PIAS1: variants seen among roughly 807,000 people sequenced by gnomAD.
The protein encoded by PIAS1 is E3 SUMO-protein ligase PIAS1.
Under a neutral mutation model 71.3 loss-of-function variants are expected in PIAS1, and 6 were observed. The observed-to-expected ratio is 0.08, with a 90% CI of 0.05 to 0.17. PIAS1 has a LOEUF of 0.17. PIAS1 is among the 10% of genes least tolerant of loss of function. The pLI, the probability that PIAS1 is intolerant of heterozygous loss-of-function variation, is 1.00. For missense variants in PIAS1, 555 were observed against 793.6 expected (o/e 0.70, Z 3.61); for synonymous variants, 303 against 292.9 (o/e 1.03, Z -0.35).
Position 68,187,832 on chromosome 15 carries a change from C to T in PIAS1, c.1953C>T (p.Asp651=). The T allele has an allele frequency of 6.2e-7, 1 of 1,611,530 alleles. No individual in the cohort carries two copies. The highest frequency in any genetic ancestry group is 1.1e-5 in the South Asian group (1 of 90,890). ...FGIIPDIISL[D] Reference sequence around the variant, plus strand: ...TCATACCAGACATTATTTCATTGGACTGATTCCCAGGCCCTGCTGCTCCCA... The same window carrying T: ...TCATACCAGACATTATTTCATTGGATTGATTCCCAGGCCCTGCTGCTCCCA... Residue 651 remains aspartate, a synonymous_variant, in exon 14 of 14, where the codon GAC becomes GAT. Transcript: ENST00000249636. This position sits in a 1 kb window ranked among gnomAD's most constrained non-coding sequence, Gnocchi z 5.3.
At chr15:68,164,409 T>C (rs1315093342) in intron 7 of PIAS1, among the ~76,000 whole-genome samples, 1 of 152,028 alleles carries the variant, frequency 6.6e-6, no homozygotes, top group East Asian at 1.9e-4. Flanking sequence ...TATCTTAGAG[T>C]TATAAAAGAA....
At chr15:68,131,805 G>A (rs2092689185) in intron 2 of PIAS1, among the ~76,000 whole-genome samples, 1 of 152,128 alleles carries the variant, frequency 6.6e-6, no homozygotes, top group Non-Finnish European at 1.5e-5. Context: ...GAATAGTGCT[G>A]CAATGAACAT....
intron 1 of PIAS1, among the ~76,000 whole-genome samples, chr15:68,076,058 A>G (rs989154523): frequency 2.0e-5 from 3 of 152,158 alleles, no homozygotes; most frequent in Non-Finnish European, 4.4e-5. Context: ...TGTTGAGATT[A>G]CAGGCGTGAG....
intron 6 of PIAS1, among the ~76,000 whole-genome samples, chr15:68,151,707 C>CAGACACACACAA (rs140053964): frequency 7.4e-6 from 1 of 134,408 alleles, no homozygotes; most frequent in Non-Finnish European, 1.6e-5. Flanking sequence ...CACACACACA[C>CAGACACACACAA]AAATTAGCTA....
intron 2 of PIAS1, among the ~76,000 whole-genome samples, chr15:68,108,831 A>G (rs1411791152): frequency 6.6e-6 from 1 of 152,284 alleles, no homozygotes; most frequent in South Asian, 2.1e-4. Flanking sequence ...CCCTTAAAGT[A>G]TATCTAGAAT....
intron 5 of PIAS1, among the ~76,000 whole-genome samples, chr15:68,146,110 G>C (rs967578332): frequency 9.2e-5 from 14 of 152,238 alleles, no homozygotes; most frequent in African/African-American, 3.1e-4. Flanking sequence ...TTTGGAGTTG[G>C]GTATGGTAGC....
rs1817057360 is a variant in PIAS1, at chr15:68,188,354, C to G, written c.*519C>G. 1 of 156,042 alleles carries G rather than the reference C, an allele frequency of 6.4e-6. No homozygotes were observed. The highest frequency in any genetic ancestry group is 2.4e-5 in the African/African-American group (1 of 41,426). The allele number at this position is 156,042 out of a possible 1,614,324, so 9.7% of individuals were successfully genotyped here. A position where few individuals can be genotyped will look rare whatever the true frequency, so the allele number is the denominator to read the frequency against. ...TTTGTGTGTGCATATTTTATCCAGC[C>G]TTAAGTTATAAAGCTCATCTGTCCC... On this transcript the variant is annotated 3_prime_UTR_variant, in exon 14 of 14. Transcript: ENST00000249636.
rs549163979 is a variant in PIAS1, at chr15:68,157,676, A to C, written c.934+3981A>C. 1.1e-4 allele frequency among the ~76,000 whole-genome samples: 17 copies of C among 152,274 alleles called. No homozygotes were observed. In the South Asian group the frequency reaches 3.3e-3, roughly 30 times the overall value. On this transcript the variant is annotated intron_variant, in intron 7 of 13. Coordinates refer to ENST00000249636, the MANE Select transcript of PIAS1 (RefSeq NM_016166.3). ...TCACCTGCCTTCAATGGATTCTCTT[A>C]AGGGAAGCATTCTAAATGTGGCTGT...
rs1491531335 is a variant in PIAS1 at position 68,141,866 on chromosome 15, CAT to C, written c.470-79_470-78del. 917 of 793,180 alleles carry C rather than the reference CAT, an allele frequency of 1.2e-3. 2 individuals carry two copies. Among genetic ancestry groups the C allele is most frequent in the African/African-American group, 2.6e-3 (138 of 52,898 alleles). The allele number at this position is 793,180 out of a possible 1,614,324, so 49.1% of individuals were successfully genotyped here. On this transcript the variant is annotated intron_variant, in intron 2 of 13. Coordinates refer to ENST00000249636, the MANE Select transcript of PIAS1 (RefSeq NM_016166.3). The stretch of plus-strand genomic sequence containing the variant: ...AGAATATATACCAGTTAATTAAAGA[CAT>C]GTGTGTTTTTTTTTTTTGCTTTTGT...
intron 2 of PIAS1, among the ~76,000 whole-genome samples, chr15:68,127,826 G>A (rs767444706): frequency 5.9e-5 from 9 of 152,036 alleles, no homozygotes; most frequent in Non-Finnish European, 1.3e-4. Flanking sequence ...ACAGTAGTGT[G>A]ACCTCAGCTC....
At chr15:68,163,552 A>G (rs2092938066) in intron 7 of PIAS1, among the ~76,000 whole-genome samples, 1 of 152,198 alleles carries the variant, frequency 6.6e-6, no homozygotes, top group Non-Finnish European at 1.5e-5. Flanking sequence ...GAGATCCACT[A>G]ATTTATGGAA....
rs117714730 is a variant in PIAS1, at chr15:68,185,219, A to G, written c.1662+1552A>G. On this transcript the variant is annotated intron_variant, in intron 13 of 13. Coordinates refer to ENST00000249636, the MANE Select transcript of PIAS1 (RefSeq NM_016166.3). This position sits in a 1 kb window ranked among gnomAD's most constrained non-coding sequence, Gnocchi z 4.4. ...CCTAAGGAGGATCTTTGCCCAGGCT[A>G]TTGCTGCAACTGAAAAACACCGAGA... Among the ~76,000 whole-genome samples the G allele has an allele frequency of 1.0e-3, 156 of 152,232 alleles. No individual in the cohort carries two copies. Among genetic ancestry groups the G allele is most frequent in the Non-Finnish European group, 1.7e-3 (116 of 67,998 alleles).
chr15:68,119,571 A>G (rs1240094937), intron 2 of PIAS1, among the ~76,000 whole-genome samples: 2 of 152,134 alleles, frequency 1.3e-5, no homozygotes, highest in Non-Finnish European at 2.9e-5. Context: ...GTTAATTGAG[A>G]TTTGTTTTTG....
intron 11 of PIAS1, among the ~76,000 whole-genome samples, chr15:68,177,891 A>G (rs1001205622): frequency 6.6e-6 from 1 of 152,332 alleles, no homozygotes; most frequent in East Asian, 1.9e-4. Flanking sequence ...TTGCAACTGA[A>G]TAGAAGCTAA....
chr15:68,104,533 A>G (rs1390720757), intron 2 of PIAS1, among the ~76,000 whole-genome samples: 2 of 152,196 alleles, frequency 1.3e-5, no homozygotes, highest in African/African-American at 4.8e-5. Context: ...TTCAAAATTC[A>G]TATTAACCAC....
intron 7 of PIAS1, among the ~76,000 whole-genome samples, chr15:68,157,856 AAATT>A (rs2092901526): frequency 6.6e-6 from 1 of 152,166 alleles, no homozygotes; most frequent in African/African-American, 2.4e-5. Context: ...CTGGTTCCTC[AAATT>A]CAAGTATTTA....
intron 2 of PIAS1, among the ~76,000 whole-genome samples, chr15:68,119,890 A>G (rs2092599033): frequency 6.6e-6 from 1 of 152,358 alleles, no homozygotes; most frequent in East Asian, 1.9e-4. Flanking sequence ...GTCACTATAC[A>G]GTGACTCTCT....
In PIAS1 at chr15:68,190,378, C is replaced by G. The variant is rs2093113520; in HGVS notation, c.*2543C>G. 6.6e-6 allele frequency: 1 copy of G among 152,164 alleles called. No homozygotes were observed. Among genetic ancestry groups the G allele is most frequent in the Non-Finnish European group, 1.5e-5 (1 of 68,028 alleles). 9.4% of individuals were successfully genotyped at this position (152,164 alleles called of 1,614,324 possible). ...GTTGTCACTCTGTTGGTCTCATGGT[C>G]AATATCAATCAGACTTTCATGATCT... On this transcript the variant is annotated 3_prime_UTR_variant, in exon 14 of 14. Transcript: ENST00000249636. This position sits in a 1 kb window ranked among gnomAD's most constrained non-coding sequence, Gnocchi z 4.7.
intron 2 of PIAS1, among the ~76,000 whole-genome samples, chr15:68,118,563 A>G (rs1259069275): frequency 1.3e-5 from 2 of 149,876 alleles, no homozygotes; most frequent in African/African-American, 5.1e-5. Flanking sequence ...GCTGGTCTCT[A>G]ACTCCTCGCC....
Sources: allele counts gnomAD v4.1 joint callset (sites outside exome capture counted in the v4.1 genomes callset), GRCh38; gene constraint gnomAD v4.1.1; non-coding constraint Gnocchi (gnomAD v3.1); transcripts MANE v1.5; gene names NCBI Gene and HGNC (gene_info 2026-07-23, HGNC 2026-07-21).